The following C21orf91 variants were observed in gnomAD, a reference collection of about 807,000 sequenced individuals.
The protein encoded by C21orf91 is protein EURL homolog.
A neutral mutation model predicts 32.9 loss-of-function variants in C21orf91; 26 were observed. That is an observed-to-expected ratio of 0.79 (90% confidence interval 0.58 to 1.10). The LOEUF is 1.10. Ranked by LOEUF, C21orf91 falls within the 50% of genes least tolerant of loss-of-function variation. The pLI is 0.00. For synonymous variants in C21orf91, 126 were observed against 120.4 expected, an observed-to-expected ratio of 1.05 and a Z score of -0.31; for missense variants, 310 against 341.3, an observed-to-expected ratio of 0.91 and a Z score of 0.72.
intron 2 of C21orf91, among the ~76,000 whole-genome samples, chr21:17,809,869 T>C (rs1347802099): frequency 1.3e-5 from 2 of 152,156 alleles, no homozygotes; most frequent in African/African-American, 4.8e-5. Context: ...GATTCAGATT[T>C]ATGGGTACAC....
At chr21:17,796,026 A>G (rs1040670351) in intron 3 of C21orf91, among the ~76,000 whole-genome samples, 1 of 152,222 alleles carries the variant, frequency 6.6e-6, no homozygotes, top group East Asian at 1.9e-4. Context: ...AAGAAGTTGT[A>G]TAACAAGATA....
intron 3 of C21orf91, 69 bp from the exon 4 acceptor site, chr21:17,795,339 A>C: frequency 1.0e-6 from 1 of 993,212 alleles, no homozygotes; most frequent in Non-Finnish European, 1.6e-6. Flanking sequence ...CATCACCAAC[A>C]CAATATCCTA....
At chr21:17,813,212 T>C (rs2062644209) in intron 2 of C21orf91, among the ~76,000 whole-genome samples, 1 of 152,122 alleles carries the variant, frequency 6.6e-6, no homozygotes, top group African/African-American at 2.4e-5. Flanking sequence ...GCCCCTTACT[T>C]AAGTGGAAAA....
intron 1 of C21orf91, 198 bp downstream of exon 1, chr21:17,819,105 C>T (rs1341541214): frequency 6.6e-6 from 1 of 152,214 alleles, no homozygotes. Context: ...GGTCCTGGCC[C>T]GGCCTTCGGC....
intron 2 of C21orf91, among the ~76,000 whole-genome samples, chr21:17,806,386 T>G: frequency 6.6e-6 from 1 of 152,212 alleles, no homozygotes; most frequent in South Asian, 2.1e-4. Flanking sequence ...AGGGAAAAGT[T>G]TTTTTCCTTG....
At chr21:17,818,931 G>C (rs953070268) in intron 1 of C21orf91, 1 of 152,300 alleles carries the variant, frequency 6.6e-6, no homozygotes, top group Admixed American at 6.5e-5. Flanking sequence ...TACCGGCCGG[G>C]CACCGCCGGA....
Position 17,793,414 on chromosome 21 carries a change from G to T in C21orf91, c.*1C>A. On this transcript the variant is annotated 3_prime_UTR_variant, in exon 5 of 5. Transcript: ENST00000284881. Reference sequence around the variant, plus strand: ...GGGCATACGAAGTAAGTCTGTTTAGGTCAGTTGTTTATGGGTAGGTGCGAC... The same window carrying T: ...GGGCATACGAAGTAAGTCTGTTTAGTTCAGTTGTTTATGGGTAGGTGCGAC... 6.2e-7 allele frequency: 1 copy of T among 1,600,106 alleles called. No individual in the cohort carries two copies. Among genetic ancestry groups the T allele is most frequent in the Non-Finnish European group, 8.5e-7 (1 of 1,170,440 alleles).
chr21:17,806,634 G>GT (rs2062596005), intron 2 of C21orf91, among the ~76,000 whole-genome samples: 1 of 152,226 alleles, frequency 6.6e-6, no homozygotes, highest in Non-Finnish European at 1.5e-5. Context: ...GAGGTCAGGA[G>GT]TTTGAGTTCA....
At chr21:17,809,055 G>A (rs1369022619) in intron 2 of C21orf91, 1 of 153,776 alleles carries the variant, frequency 6.5e-6, no homozygotes, top group Non-Finnish European at 1.4e-5. Context: ...TGGTATAATT[G>A]TTAAGTTTTC....
At chr21:17,808,540 A>C (rs746824435) in intron 2 of C21orf91, among the ~76,000 whole-genome samples, 2 of 152,362 alleles carry the variant, frequency 1.3e-5, no homozygotes, top group Admixed American at 6.5e-5. Context: ...CCAGAATGCT[A>C]GGCTAGATTC....
chr21:17,808,884 G>A (rs1844414), intron 2 of C21orf91: 41,072 of 152,072 alleles, frequency 0.27, 6,589 homozygotes, highest in Non-Finnish European at 0.35. Context: ...TATTGGAGGA[G>A]GGGCTTGGTG....
chr21:17,794,214 A>C (rs145376464), intron 4 of C21orf91, among the ~76,000 whole-genome samples: 1 of 152,314 alleles, frequency 6.6e-6, no homozygotes, highest in East Asian at 1.9e-4. Flanking sequence ...TAAATCCTTG[A>C]TCTGCTACTG....
At chr21:17,802,591 A>C (rs955146221) in intron 2 of C21orf91, among the ~76,000 whole-genome samples, 2 of 152,148 alleles carry the variant, frequency 1.3e-5, no homozygotes, top group African/African-American at 4.8e-5. Context: ...GCACTAAAAA[A>C]CCCCACGAAT....
At chr21:17,807,530 C>A (rs758730129) in intron 2 of C21orf91, among the ~76,000 whole-genome samples, 2 of 152,116 alleles carry the variant, frequency 1.3e-5, no homozygotes, top group African/African-American at 2.4e-5. Flanking sequence ...CAGGATAATG[C>A]GCAGAGGTTG....
chr21:17,796,375 A>C lies in C21orf91; in HGVS notation c.664+207T>G, dbSNP rs542007920. 2.0e-5 allele frequency among the ~76,000 whole-genome samples: 3 copies of C among 152,332 alleles called. No individual in the cohort carries two copies. The South Asian group carries it at 6.2e-4, about 32-fold the overall frequency. On this transcript the variant is annotated intron_variant, in intron 3 of 4. Coordinates refer to ENST00000284881, the MANE Select transcript of C21orf91 (RefSeq NM_001100420.2). Reference sequence around the variant, plus strand: ...ATTTTAAATGGCAAAACAAACATGGAAATTGCTTAACTTCAATGCTTAGAA... The same window carrying C: ...ATTTTAAATGGCAAAACAAACATGGCAATTGCTTAACTTCAATGCTTAGAA...
chr21:17,806,196 AACAAG>A (rs1182890852), intron 2 of C21orf91, among the ~76,000 whole-genome samples: 2 of 152,174 alleles, frequency 1.3e-5, no homozygotes, highest in Non-Finnish European at 2.9e-5. Flanking sequence ...TGTTCTTACA[AACAAG>A]ACATCAGACT....
Position 17,793,445 on chromosome 21 carries a change from T to C in C21orf91, c.864A>G (p.Gly288=). 1 of 1,612,414 alleles carries C rather than the reference T, an allele frequency of 6.2e-7. No individual in the cohort carries two copies. The highest frequency in any genetic ancestry group is 8.5e-7 in the Non-Finnish European group (1 of 1,179,058). ...KLPCLQVGRT[G]MKSHLPINN ...TGTTTATGGGTAGGTGCGACTTCAT[T>C]CCTGTTCGCCCTACTTGCAGACATG... is the stretch of plus-strand genomic sequence containing the variant. Residue 288 remains glycine (G), a synonymous_variant, in exon 5 of 5, where the codon GGA becomes GGG. Coordinates refer to ENST00000284881, the MANE Select transcript of C21orf91 (RefSeq NM_001100420.2).
intron 2 of C21orf91, among the ~76,000 whole-genome samples, chr21:17,803,270 C>T (rs1295932214): frequency 6.6e-6 from 1 of 152,170 alleles, no homozygotes; most frequent in Non-Finnish European, 1.5e-5. Context: ...CCTATAATCC[C>T]AGCACTTTGG....
intron 2 of C21orf91, among the ~76,000 whole-genome samples, chr21:17,805,839 A>G (rs1453683142): frequency 6.6e-6 from 1 of 152,172 alleles, no homozygotes; most frequent in Admixed American, 6.5e-5. Context: ...TTCTAAAAAA[A>G]TTTTTCTGCA....
Sources: gnomAD v4.1 joint callset for allele counts (sites outside exome capture counted in the v4.1 genomes callset) on GRCh38, gnomAD v4.1.1 for gene constraint, MANE v1.5 for transcripts, NCBI Gene and HGNC (gene_info 2026-07-23, HGNC 2026-07-21) for gene names.